Variants in PLPP4 observed in about 807,000 individuals in gnomAD.
PLPP4 encodes phospholipid phosphatase 4, also known as diacylglycerol pyrophosphate like 2.
A neutral mutation model predicts 32.2 loss-of-function variants in PLPP4; 20 were observed. That is an observed-to-expected ratio of 0.62 (90% CI 0.44 to 0.90). The LOEUF is 0.90. Ranked by LOEUF, PLPP4 falls within the 40% of genes least tolerant of loss-of-function variation. The pLI is 0.00. For synonymous variants in PLPP4, 127 were observed against 133.0 expected, an observed-to-expected ratio of 0.95 and a Z score of 0.31; for missense variants, 257 against 353.1, an observed-to-expected ratio of 0.73 and a Z score of 2.18.
intron 5 of PLPP4, among the ~76,000 whole-genome samples, chr10:120,548,679 A>G (rs1847746232): frequency 1.3e-5 from 2 of 152,116 alleles, no homozygotes; most frequent in South Asian, 4.1e-4. Flanking sequence ...GGCTGAACTA[A>G]TTTATATTCC....
At chr10:120,568,152 T>C (rs1313194481) in intron 5 of PLPP4, among the ~76,000 whole-genome samples, 1 of 152,246 alleles carries the variant, frequency 6.6e-6, no homozygotes, top group East Asian at 1.9e-4. Flanking sequence ...TCATACAATA[T>C]TTAATATCTG....
At chr10:120,547,177 A>G (rs1471124627) in intron 5 of PLPP4, among the ~76,000 whole-genome samples, 1 of 152,176 alleles carries the variant, frequency 6.6e-6, no homozygotes, top group African/African-American at 2.4e-5. Context: ...AAGGCATTCA[A>G]TAAGAACAAG....
intron 5 of PLPP4, among the ~76,000 whole-genome samples, chr10:120,545,981 G>T (rs930609039): frequency 6.6e-6 from 1 of 152,172 alleles, no homozygotes; most frequent in African/African-American, 2.4e-5. Flanking sequence ...TCCTGTGCTA[G>T]ATGCTTCCTG....
At chr10:120,556,542 A>T (rs1456376835) in intron 5 of PLPP4, among the ~76,000 whole-genome samples, 1 of 152,234 alleles carries the variant, frequency 6.6e-6, no homozygotes, top group Non-Finnish European at 1.5e-5. Flanking sequence ...ATGCAGAAAA[A>T]AGTCCAGTCT....
chr10:120,556,276 T>C (rs1848161471), intron 5 of PLPP4, among the ~76,000 whole-genome samples: 1 of 152,088 alleles, frequency 6.6e-6, no homozygotes, highest in East Asian at 1.9e-4. Flanking sequence ...CCCTGGGGGG[T>C]AATTCTTCTA....
intron 1 of PLPP4, among the ~76,000 whole-genome samples, chr10:120,474,147 T>C (rs1419513610): frequency 6.6e-6 from 1 of 152,190 alleles, no homozygotes; most frequent in Non-Finnish European, 1.5e-5. Flanking sequence ...CAGTAGTGTT[T>C]CAGGAGGGTA....
chr10:120,592,048 A>G lies in PLPP4; in HGVS notation c.*2546A>G, dbSNP rs1168156978. On this transcript the variant is annotated 3_prime_UTR_variant, in exon 7 of 7. Transcript: ENST00000398250. ...AATATAACATCACAGTGTACCAATT[A>G]AATGGCCATAATGAGAACGTTTATT... is the stretch of plus-strand genomic sequence containing the variant. Among the ~76,000 whole-genome samples, 1 of 152,132 alleles carries G rather than the reference A, an allele frequency of 6.6e-6. No homozygotes were observed. The highest frequency in any genetic ancestry group is 1.5e-5 in the Non-Finnish European group (1 of 68,022).
chr10:120,589,290 G>A lies in PLPP4; in HGVS notation c.617-13G>A. 6.2e-7 allele frequency: 1 copy of A among 1,613,618 alleles called. No homozygotes were observed. ...GGTAACCCATTTTTCCTGCTCTGCTGTTTCCTGCCTAGATTCCTTTGTGGG... is the reference window on the plus strand; with the variant it reads ...GGTAACCCATTTTTCCTGCTCTGCTATTTCCTGCCTAGATTCCTTTGTGGG... On this transcript the variant is annotated splice_polypyrimidine_tract_variant and intron_variant, in intron 6 of 6. Transcript: ENST00000398250.
At chr10:120,483,807 G>A (rs1235771607) in intron 1 of PLPP4, among the ~76,000 whole-genome samples, 1 of 152,200 alleles carries the variant, frequency 6.6e-6, no homozygotes, top group Non-Finnish European at 1.5e-5. Flanking sequence ...TTCTGGCCAT[G>A]TGATCTCTGC....
At chr10:120,570,786 T>C (rs957517936) in intron 5 of PLPP4, among the ~76,000 whole-genome samples, 2 of 152,206 alleles carry the variant, frequency 1.3e-5, no homozygotes, top group Non-Finnish European at 2.9e-5. Flanking sequence ...CAGATAGCCC[T>C]GTTCATGGGA....
chr10:120,524,402 G>A (rs1321827919), intron 5 of PLPP4, among the ~76,000 whole-genome samples: 1 of 152,086 alleles, frequency 6.6e-6, no homozygotes, highest in Non-Finnish European at 1.5e-5. Flanking sequence ...TGAGTGACTG[G>A]GTAGGGGAGT....
intron 1 of PLPP4, among the ~76,000 whole-genome samples, chr10:120,492,875 G>T (rs1478868882): frequency 6.6e-6 from 1 of 152,224 alleles, no homozygotes; most frequent in Non-Finnish European, 1.5e-5. Context: ...TTGTTAACAT[G>T]TAATCATATT....
intron 5 of PLPP4, among the ~76,000 whole-genome samples, chr10:120,549,901 A>G (rs938694776): frequency 2.6e-5 from 4 of 152,132 alleles, no homozygotes; most frequent in Admixed American, 2.0e-4. Context: ...TGAAAGATTG[A>G]ATGCTTTTCC....
intron 1 of PLPP4, among the ~76,000 whole-genome samples, chr10:120,480,954 C>T (rs1278968383): frequency 6.6e-6 from 1 of 152,204 alleles, no homozygotes; most frequent in Non-Finnish European, 1.5e-5. Flanking sequence ...ACCCCTTCTT[C>T]CCCATTAGGG....
chr10:120,564,374 G>T (rs1451823905), intron 5 of PLPP4, among the ~76,000 whole-genome samples: 1 of 151,814 alleles, frequency 6.6e-6, no homozygotes, highest in African/African-American at 2.4e-5. Context: ...TTAGCTTTGA[G>T]AATTAGCATA....
chr10:120,504,688 G>A (rs1536389), intron 2 of PLPP4, among the ~76,000 whole-genome samples: 100,116 of 152,130 alleles, frequency 0.66, 33,662 homozygotes, highest in African/African-American at 0.8. Flanking sequence ...TGGAATGAGA[G>A]AGGACTTGTT....
intron 5 of PLPP4, among the ~76,000 whole-genome samples, chr10:120,562,562 A>G (rs1029971841): frequency 2.0e-5 from 3 of 152,166 alleles, no homozygotes; most frequent in South Asian, 4.1e-4. Context: ...CTTTTTTGCT[A>G]GATATTCTTT....
chr10:120,576,693 CT>C (rs1849238919), intron 6 of PLPP4, among the ~76,000 whole-genome samples: 1 of 152,224 alleles, frequency 6.6e-6, no homozygotes, highest in African/African-American at 2.4e-5. Context: ...CTACTAAGGT[CT>C]GAGGCCCTCC....
At position 120,522,163 on chromosome 10, in the gene PLPP4, G is replaced by A. The variant is rs560567026; in HGVS notation, c.445+1068G>A. On this transcript the variant is annotated intron_variant, in intron 5 of 6. Coordinates refer to ENST00000398250, the MANE Select transcript of PLPP4 (RefSeq NM_001030059.3). ...GATGCCAAGTCCTTAATTCTCCCAC[G>A]AGTCTGATTATTATTTACCTTTAGC... Among the ~76,000 whole-genome samples, 28 of 152,274 alleles carry A rather than the reference G, an allele frequency of 1.8e-4. No individual in the cohort carries two copies. The South Asian group carries it at 5.4e-3, about 29-fold the overall frequency.
Sources: gnomAD v4.1 joint callset for allele counts (sites outside exome capture counted in the v4.1 genomes callset) on GRCh38, gnomAD v4.1.1 for gene constraint, MANE v1.5 for transcripts, NCBI Gene and HGNC (gene_info 2026-07-23, HGNC 2026-07-21) for gene names.